NCLN: variants seen among roughly 807,000 people sequenced by gnomAD.
The protein encoded by NCLN is BOS complex subunit NCLN.
Under a neutral mutation model 69.5 loss-of-function variants are expected in NCLN, and 34 were observed. That is an observed-to-expected ratio of 0.49 (90% CI 0.37 to 0.65). The LOEUF is 0.65. Ranked by LOEUF, NCLN falls within the 30% of genes least tolerant of loss-of-function variation. The pLI is 0.00. For missense variants in NCLN, 710 were observed against 804.8 expected (o/e 0.88, Z 1.42); for synonymous variants, 393 against 358.3 (o/e 1.10, Z -1.09).
chr19:3,186,220 T>G lies in NCLN; in HGVS notation c.184+6T>G. 6.6e-7 allele frequency: 1 copy of G among 1,511,734 alleles called. No homozygotes were observed. The highest frequency in any genetic ancestry group is 8.8e-7 in the Non-Finnish European group (1 of 1,131,652). 93.6% of individuals were successfully genotyped at this position (1,511,734 alleles called of 1,614,324 possible). A position where few individuals can be genotyped will look rare whatever the true frequency, so the allele number is the denominator to read the frequency against. On this transcript the variant is annotated splice_donor_region_variant and intron_variant, in intron 1 of 14. Transcript: ENST00000246117. ...CCTGCAGGGCCAGCCCTACGGTGCGTGTCCCCGGCCCACCCTCGGGGCTCC... is the reference window on the plus strand; with the variant it reads ...CCTGCAGGGCCAGCCCTACGGTGCGGGTCCCCGGCCCACCCTCGGGGCTCC...
chr19:3,190,610 CCCAGCAT>C (rs112834700), intron 1 of NCLN, among the ~76,000 whole-genome samples: 5 of 152,298 alleles, frequency 3.3e-5, no homozygotes, highest in African/African-American at 1.2e-4. Flanking sequence ...AATGAGGGTC[CCCAGCAT>C]CCAGCATCCA....
intron 6 of NCLN, 56 bp from the exon 7 acceptor site, chr19:3,203,700 C>A: frequency 6.7e-7 from 1 of 1,497,442 alleles, no homozygotes; most frequent in Non-Finnish European, 9.1e-7. Flanking sequence ...TGGCCTGGTC[C>A]CTCCTCCACC....
At chr19:3,207,139 C>T in intron 12 of NCLN, 59 bp from the exon 13 acceptor site, 1 of 1,594,490 alleles carries the variant, frequency 6.3e-7, no homozygotes, top group South Asian at 1.1e-5. Flanking sequence ...CTCTACAAAC[C>T]CTTTTTTAAG....
intron 5 of NCLN, among the ~76,000 whole-genome samples, chr19:3,199,262 G>A (rs115888305): frequency 8.5e-4 from 129 of 152,360 alleles, no homozygotes; most frequent in African/African-American, 2.9e-3. Context: ...AGCAGAGTCC[G>A]CGAAGGGAAA....
chr19:3,203,619 C>T (rs150045740), intron 6 of NCLN, 137 bp from the exon 7 acceptor site: 11 of 742,782 alleles, frequency 1.5e-5, no homozygotes, highest in African/African-American at 8.8e-5. Context: ...GGTCATGCCC[C>T]GCCCTAAGGG....
Position 3,196,291 on chromosome 19 carries a change from GC to G in NCLN, c.615+18del. On this transcript the variant is annotated intron_variant, in intron 4 of 14. Coordinates refer to ENST00000246117, the MANE Select transcript of NCLN (RefSeq NM_020170.4). Reference sequence around the variant, plus strand: ...GCCAGCGTGGAGGTGAGTGCCGCCTGCCCCGGAGCCAGCCCCACGTCCCCAG... The same window carrying G: ...GCCAGCGTGGAGGTGAGTGCCGCCTGCCCGGAGCCAGCCCCACGTCCCCAG... 6.5e-7 allele frequency: 1 copy of G among 1,527,374 alleles called. No homozygotes were observed. Among genetic ancestry groups the G allele is most frequent in the Non-Finnish European group, 8.9e-7 (1 of 1,128,176 alleles). The allele number at this position is 1,527,374 out of a possible 1,614,324, so 94.6% of individuals were successfully genotyped here.
At chr19:3,202,987 T>G (rs1308854111) in intron 6 of NCLN, among the ~76,000 whole-genome samples, 1 of 152,160 alleles carries the variant, frequency 6.6e-6, no homozygotes, top group Non-Finnish European at 1.5e-5. Context: ...CTTCTCTGAC[T>G]CTGGTGACCC....
chr19:3,203,083 C>T (rs968984222), intron 6 of NCLN, among the ~76,000 whole-genome samples: 4 of 152,092 alleles, frequency 2.6e-5, no homozygotes, highest in African/African-American at 7.2e-5. Flanking sequence ...TGGAAGCCTG[C>T]GGCAGGTGGA....
chr19:3,204,121 G>A lies in NCLN; in HGVS notation c.1006G>A (p.Ala336Thr), dbSNP rs1916197639. The A allele has an allele frequency of 3.3e-6, 5 of 1,517,054 alleles. No individual in the cohort carries two copies. Among genetic ancestry groups the A allele is most frequent in the South Asian group, 1.3e-5 (1 of 76,782 alleles). 94.0% of individuals were successfully genotyped at this position (1,517,054 alleles called of 1,614,324 possible). The change falls in exon 8 of 15, where the codon GCC becomes ACC. Residue 336 changes from alanine to threonine, a missense_variant. Physicochemically the swap from Ala to Thr is moderately conservative, Grantham distance 58. Coordinates refer to ENST00000246117, the MANE Select transcript of NCLN (RefSeq NM_020170.4). ...GCCTCGGGAGGGCACCCTGCAGCAC[G>A]CCTTCCTGCGGGAGCTGGAGACGGT... ...KPPREGTLQH[A>T]FLRELETVAA...
chr19:3,206,052 C>T (rs749107374), intron 10 of NCLN, 26 bp downstream of exon 10: 8 of 1,610,592 alleles, frequency 5.0e-6, no homozygotes, highest in Non-Finnish European at 6.8e-6. Flanking sequence ...TCTGTGCCGC[C>T]AGACCCAGCC....
At chr19:3,195,528 T>C (rs952061079) in intron 3 of NCLN, among the ~76,000 whole-genome samples, 7 of 152,158 alleles carry the variant, frequency 4.6e-5, no homozygotes, top group East Asian at 3.9e-4. Context: ...GTATTCCAGG[T>C]GTGAGCCACC....
At chr19:3,200,362 G>C (rs1916094317) in intron 5 of NCLN, among the ~76,000 whole-genome samples, 7 of 146,100 alleles carry the variant, frequency 4.8e-5, no homozygotes, top group Admixed American at 4.2e-4. Flanking sequence ...CCAGGCTGGA[G>C]TGTAGTGGCG....
chr19:3,197,764 G>A (rs933512209), intron 4 of NCLN, among the ~76,000 whole-genome samples: 1 of 152,126 alleles, frequency 6.6e-6, no homozygotes, highest in East Asian at 1.9e-4. Flanking sequence ...GGGATTACAG[G>A]TGCCCGCCAC....
Position 3,196,299 on chromosome 19 carries a change from G to A in NCLN, c.615+22G>A, listed in dbSNP as rs199988862. 4.0e-6 allele frequency: 6 copies of A among 1,517,418 alleles called. No individual in the cohort carries two copies. In the East Asian group the frequency reaches 1.5e-4, roughly 38 times the overall value. The allele number at this position is 1,517,418 out of a possible 1,614,324, so 94.0% of individuals were successfully genotyped here. A position where few individuals can be genotyped will look rare whatever the true frequency, so the allele number is the denominator to read the frequency against. ...GGAGGTGAGTGCCGCCTGCCCCGGAGCCAGCCCCACGTCCCCAGGGGTTCC... is the reference window on the plus strand; with the variant it reads ...GGAGGTGAGTGCCGCCTGCCCCGGAACCAGCCCCACGTCCCCAGGGGTTCC... On this transcript the variant is annotated intron_variant, in intron 4 of 14. Transcript: ENST00000246117.
At chr19:3,201,020 C>T (rs1427323454) in intron 5 of NCLN, among the ~76,000 whole-genome samples, 1 of 152,198 alleles carries the variant, frequency 6.6e-6, no homozygotes, top group East Asian at 1.9e-4. Context: ...ATTGAGAATG[C>T]TGCTTTAGAT....
At chr19:3,202,254 C>T (rs1181936115) in intron 6 of NCLN, among the ~76,000 whole-genome samples, 3 of 152,158 alleles carry the variant, frequency 2.0e-5, no homozygotes, top group African/African-American at 7.2e-5. Context: ...CTGGGGTCCC[C>T]CTGGTTTATC....
chr19:3,188,102 A>AC (rs983425255), intron 1 of NCLN, among the ~76,000 whole-genome samples: 1 of 151,748 alleles, frequency 6.6e-6, no homozygotes, highest in African/African-American at 2.4e-5. Flanking sequence ...GGCAGTCTGC[A>AC]CCCCAAAGAC....
At position 3,191,029 on chromosome 19, in the gene NCLN, C is replaced by T. The variant is rs1389494485; in HGVS notation, c.185-1441C>T. On this transcript the variant is annotated intron_variant, in intron 1 of 14. Transcript: ENST00000246117. ...GGTGTGTGGCGGGCAGCAGGGAGAT[C>T]GTCGTGGTGCGTGGCGGGCAGCAGG... is the stretch of plus-strand genomic sequence containing the variant. Among the ~76,000 whole-genome samples the T allele has an allele frequency of 3.5e-5, 5 of 144,700 alleles. No individual in the cohort carries two copies. The South Asian group carries it at 6.6e-4, about 19-fold the overall frequency. 94.9% of individuals were successfully genotyped at this position (144,700 alleles called of 152,430 possible).
Position 3,187,644 on chromosome 19 carries a change from C to T in NCLN, c.184+1430C>T, listed in dbSNP as rs547478395. On this transcript the variant is annotated intron_variant, in intron 1 of 14. Coordinates refer to ENST00000246117, the MANE Select transcript of NCLN (RefSeq NM_020170.4). ...GGGACATCTGTGGTTGTCACGACCA[C>T]GGGTGCTCCTGGCATGGAGTGGGTG... Among the ~76,000 whole-genome samples, 9 of 152,340 alleles carry T rather than the reference C, an allele frequency of 5.9e-5. No homozygotes were observed. In the South Asian group the frequency reaches 1.0e-3, roughly 18 times the overall value.
Sources: gnomAD v4.1 joint callset for allele counts (sites outside exome capture counted in the v4.1 genomes callset) on GRCh38, gnomAD v4.1.1 for gene constraint, MANE v1.5 for transcripts, NCBI Gene and HGNC (gene_info 2026-07-23, HGNC 2026-07-21) for gene names.